Variants in BLOC1S3 observed in about 807,000 individuals in gnomAD.
The protein encoded by BLOC1S3 is biogenesis of lysosomal organelles complex 1 subunit 3.
Under a neutral mutation model 9.1 loss-of-function variants are expected in BLOC1S3, and 7 were observed. The ratio of observed to expected loss-of-function variants is 0.77; its 90% CI spans 0.44 to 1.45. BLOC1S3 has a LOEUF of 1.45. Among genes scored for constraint, BLOC1S3 ranks in the 40% most tolerant of loss-of-function variants. BLOC1S3 has a pLI of 0.01. For missense variants in BLOC1S3, 307 were observed against 315.2 expected (o/e 0.97, Z 0.20); for synonymous variants, 145 against 158.4 (o/e 0.92, Z 0.64).
In BLOC1S3 at chr19:45,180,185, C is replaced by A; in HGVS notation, c.*280C>A. On this transcript the variant is annotated 3_prime_UTR_variant, in exon 2 of 2. Coordinates refer to ENST00000433642, the MANE Select transcript of BLOC1S3 (RefSeq NM_212550.5). ...CCTTCCCCTGGGGCTTGGCTCCAGC[C>A]TTTGTTACATAGTTGCTCCTTAATC... The A allele has an allele frequency of 2.6e-6, 1 of 379,598 alleles. No homozygotes were observed. Among genetic ancestry groups the A allele is most frequent in the Non-Finnish European group, 4.9e-6 (1 of 204,578 alleles). The allele number at this position is 379,598 out of a possible 1,614,324, so 23.5% of individuals were successfully genotyped here. A position where few individuals can be genotyped will look rare whatever the true frequency, so the allele number is the denominator to read the frequency against.
intron 3 of BLOC1S3, among the ~76,000 whole-genome samples, chr19:45,207,705 C>A (rs1969738520): frequency 1.3e-5 from 2 of 151,896 alleles, no homozygotes. Context: ...CCACTGCACC[C>A]CAGCCTGGGA....
chr19:45,179,498 G>C lies in BLOC1S3; in HGVS notation c.202G>C (p.Glu68Gln). The change falls in exon 2 of 2, where the codon GAG becomes CAG. Residue 68 changes from glutamate (E) to glutamine (Q), a missense_variant. Glu to Gln is a conservative substitution (Grantham distance 29). Transcript: ENST00000433642. This position sits in a 1 kb window ranked among gnomAD's most constrained non-coding sequence, Gnocchi z 4.6. ...AGCCGCGGAGACCGACTCGGAGCCG[G>C]AGCCGGAGCCGGAACCGACGGCCGC... ...GEAAETDSEP[E>Q]PEPEPTAAPR... 1 of 1,523,756 alleles carries C rather than the reference G, an allele frequency of 6.6e-7. No homozygotes were observed. Among genetic ancestry groups the C allele is most frequent in the Non-Finnish European group, 8.8e-7 (1 of 1,142,738 alleles). The allele number at this position is 1,523,756 out of a possible 1,614,324, so 94.4% of individuals were successfully genotyped here.
At chr19:45,210,709 T>TC (rs1378856435) in intron 3 of BLOC1S3, among the ~76,000 whole-genome samples, 1 of 152,058 alleles carries the variant, frequency 6.6e-6, no homozygotes, top group Non-Finnish European at 1.5e-5. Context: ...CTTCAGGCGA[T>TC]CCTCCCACCT....
At chr19:45,182,557 G>A (rs560688371), downstream of BLOC1S3, among the ~76,000 whole-genome samples, 3 of 151,932 alleles carry the variant, frequency 2.0e-5, no homozygotes, top group South Asian at 2.1e-4. Context: ...CCAGCTACTC[G>A]GGAGGCTGAG....
At chr19:45,206,353 CAAAAAA>C (rs529931068) in intron 3 of BLOC1S3, among the ~76,000 whole-genome samples, 1,384 of 83,884 alleles carry the variant, frequency 0.016, 14 homozygotes, top group South Asian at 0.041. Context: ...GTGAAACTCT[CAAAAAA>C]AAAAAAAAAA....
chr19:45,207,617 G>T (rs1969737834), intron 3 of BLOC1S3, among the ~76,000 whole-genome samples: 1 of 135,534 alleles, frequency 7.4e-6, no homozygotes, highest in South Asian at 2.4e-4. Context: ...CACACCTATA[G>T]TCTCACCTAC....
chr19:45,207,976 A>G (rs1265400369), intron 3 of BLOC1S3, among the ~76,000 whole-genome samples: 1 of 149,566 alleles, frequency 6.7e-6, no homozygotes, highest in African/African-American at 2.5e-5. Context: ...ACCACCATGT[A>G]CTTTTTTTTT....
chr19:45,188,073 A>G (rs1969578751), intron 2 of BLOC1S3, among the ~76,000 whole-genome samples: 1 of 152,074 alleles, frequency 6.6e-6, no homozygotes, highest in South Asian at 2.1e-4. Flanking sequence ...CCCAGGCTGG[A>G]GTGCAGCAGC....
chr19:45,198,194 A>G (rs1388433901), intron 2 of BLOC1S3, among the ~76,000 whole-genome samples: 1 of 152,190 alleles, frequency 6.6e-6, no homozygotes, highest in Non-Finnish European at 1.5e-5. Flanking sequence ...ACCGTCCAAG[A>G]AAAATACTGT....
intron 2 of BLOC1S3, among the ~76,000 whole-genome samples, chr19:45,188,604 C>T (rs1338900119): frequency 6.8e-6 from 1 of 147,470 alleles, no homozygotes; most frequent in Non-Finnish European, 1.5e-5. Context: ...CAGAGTTTCA[C>T]TCTTGTTGCC....
intron 3 of BLOC1S3, among the ~76,000 whole-genome samples, chr19:45,209,965 C>T (rs1969755961): frequency 1.3e-5 from 2 of 151,898 alleles, no homozygotes; most frequent in Non-Finnish European, 2.9e-5. Context: ...CTCCTGACCT[C>T]GTGATCCGCC....
intron 3 of BLOC1S3, among the ~76,000 whole-genome samples, chr19:45,215,740 C>T (rs1379705934): frequency 6.6e-6 from 1 of 152,098 alleles, no homozygotes; most frequent in East Asian, 1.9e-4. Context: ...AGTGCGTGTG[C>T]GCCCGTGTGC....
chr19:45,195,437 ACTC>A (rs1280136905), intron 2 of BLOC1S3, among the ~76,000 whole-genome samples: 2 of 150,124 alleles, frequency 1.3e-5, no homozygotes, highest in Non-Finnish European at 3.0e-5. Context: ...GAACTCCTGC[ACTC>A]AAGTGATCCG....
At chr19:45,182,800 G>A (rs1008112440), downstream of BLOC1S3, among the ~76,000 whole-genome samples, 2 of 152,184 alleles carry the variant, frequency 1.3e-5, no homozygotes, top group African/African-American at 4.8e-5. Context: ...TTACAGGCAT[G>A]AGCCACTGCA....
At chr19:45,212,597 CCT>C (rs922386323) in intron 3 of BLOC1S3, 1 of 127,568 alleles carries the variant, frequency 7.8e-6, no homozygotes, top group African/African-American at 3.3e-5. Flanking sequence ...TTTCCCCCTA[CCT>C]TTTTTTTTTT....
intron 2 of BLOC1S3, among the ~76,000 whole-genome samples, chr19:45,202,211 A>C (rs1219073955): frequency 1.2e-4 from 1 of 8,368 alleles, no homozygotes. Flanking sequence ...GACTCCATCT[A>C]AAAAAAAAAA....
At chr19:45,193,167 A>T in intron 2 of BLOC1S3, among the ~76,000 whole-genome samples, 1 of 138,936 alleles carries the variant, frequency 7.2e-6, no homozygotes, top group Non-Finnish European at 1.6e-5. Flanking sequence ...AAAAGAGACT[A>T]TTTTTGCTAC....
At chr19:45,212,985 C>T (rs1244965758) in intron 3 of BLOC1S3, 1 of 1,369,092 alleles carries the variant, frequency 7.3e-7, no homozygotes, top group African/African-American at 1.5e-5. Flanking sequence ...TGGTCCCAGG[C>T]AGGGAGTCAG....
downstream of BLOC1S3, among the ~76,000 whole-genome samples, chr19:45,182,000 C>G (rs546865759): frequency 6.6e-5 from 10 of 152,160 alleles, no homozygotes; most frequent in African/African-American, 2.4e-4. Flanking sequence ...TTTTGGGTAC[C>G]TGACCTGTGC....
Sources: allele counts gnomAD v4.1 joint callset (sites outside exome capture counted in the v4.1 genomes callset), GRCh38; gene constraint gnomAD v4.1.1; non-coding constraint Gnocchi (gnomAD v3.1); transcripts MANE v1.5; gene names NCBI Gene and HGNC (gene_info 2026-07-23, HGNC 2026-07-21).